OXSR1: variants seen among roughly 807,000 people sequenced by gnomAD.
The protein encoded by OXSR1 is oxidative stress responsive kinase 1.
OXSR1 carries 24 observed loss-of-function variants against 79.8 expected under a neutral mutation model. The observed-to-expected ratio is 0.30, with a 90% CI of 0.22 to 0.42. OXSR1 has a LOEUF of 0.42. Ranked by LOEUF, OXSR1 falls within the 10% of genes least tolerant of loss-of-function variation. The pLI is 1.00. For missense variants in OXSR1, 430 were observed against 618.4 expected (o/e 0.70, Z 3.23); for synonymous variants, 226 against 209.2 (o/e 1.08, Z -0.69).
In OXSR1 at chr3:38,223,882, C is replaced by T. The variant is rs762812182; in HGVS notation, c.671C>T (p.Ala224Val). ...GITAIELATG[A>V]APYHKYPPMK... ...ACAGCAATTGAATTGGCTACAGGGG[C>T]GGCTCCTTATCATAAATATCCACCA... is the stretch of plus-strand genomic sequence containing the variant. Residue 224 changes from alanine to valine, a missense_variant, in exon 7 of 18, where the codon GCG becomes GTG. By Grantham distance (64) the Ala-to-Val change is moderately conservative. Coordinates refer to ENST00000311806, the MANE Select transcript of OXSR1 (RefSeq NM_005109.3). 2.9e-5 allele frequency: 47 copies of T among 1,604,530 alleles called. No individual in the cohort carries two copies. The highest frequency in any genetic ancestry group is 1.0e-4 in the South Asian group (9 of 90,230).
chr3:38,211,301 G>A (rs1451537539), intron 4 of OXSR1, among the ~76,000 whole-genome samples: 3 of 152,080 alleles, frequency 2.0e-5, no homozygotes, highest in Non-Finnish European at 4.4e-5. Context: ...AGCTCTCTGT[G>A]GCACGGTCCC....
At chr3:38,228,736 A>C (rs1246616954) in intron 8 of OXSR1, among the ~76,000 whole-genome samples, 1 of 152,006 alleles carries the variant, frequency 6.6e-6, no homozygotes, top group African/African-American at 2.4e-5. Flanking sequence ...ATGCCCTGCT[A>C]ATTTTTGTGG....
intron 4 of OXSR1, among the ~76,000 whole-genome samples, chr3:38,206,897 C>T (rs1702273180): frequency 6.6e-6 from 1 of 152,172 alleles, no homozygotes; most frequent in Admixed American, 6.5e-5. Context: ...TATTTAATCT[C>T]TCTTTTGCCT....
intron 2 of OXSR1, among the ~76,000 whole-genome samples, chr3:38,190,362 A>G (rs558993967): frequency 6.6e-6 from 1 of 152,184 alleles, no homozygotes; most frequent in Non-Finnish European, 1.5e-5. Flanking sequence ...CTATAAAAAA[A>G]CCCTGTTTAT....
Position 38,243,003 on chromosome 3 carries a change from GTTATTTAT to G in OXSR1, c.1110+264_1110+271del, listed in dbSNP as rs34493594. On this transcript the variant is annotated intron_variant, in intron 12 of 17. Coordinates refer to ENST00000311806, the MANE Select transcript of OXSR1 (RefSeq NM_005109.3). ...TGGCTTGGGCTGCTGGAAGTGAAAAGTTATTTATTTATTTATTTATTTATTTATTTATT... is the reference window on the plus strand; with the variant it reads ...TGGCTTGGGCTGCTGGAAGTGAAAAGTTATTTATTTATTTATTTATTTATT... Among the ~76,000 whole-genome samples the G allele has an allele frequency of 5.1e-3, 742 of 146,260 alleles. 6 individuals carry two copies. Among genetic ancestry groups the G allele is most frequent in the African/African-American group, 0.013 (521 of 39,524 alleles).
At chr3:38,215,119 G>C (rs939901993) in intron 4 of OXSR1, among the ~76,000 whole-genome samples, 3 of 152,178 alleles carry the variant, frequency 2.0e-5, no homozygotes, top group African/African-American at 4.8e-5. Flanking sequence ...TTTGGCAAGG[G>C]AAAGGGGTGT....
chr3:38,211,322 A>G (rs983636100), intron 4 of OXSR1, among the ~76,000 whole-genome samples: 5 of 152,194 alleles, frequency 3.3e-5, no homozygotes, highest in Admixed American at 6.5e-5. Flanking sequence ...AGGAACCCCT[A>G]TAACCCTAAT....
Position 38,233,505 on chromosome 3 carries a change from A to G in OXSR1, c.951+3075A>G, listed in dbSNP as rs924799512. Among the ~76,000 whole-genome samples, 7 of 152,182 alleles carry G rather than the reference A, an allele frequency of 4.6e-5. No homozygotes were observed. The East Asian group carries it at 1.3e-3, about 29-fold the overall frequency. ...CTAGGATCACAGGATACCTCAGGGA[A>G]ACCTCTTAATGTGAAAAATAGAGGT... On this transcript the variant is annotated intron_variant, in intron 10 of 17. Transcript: ENST00000311806.
intron 1 of OXSR1, among the ~76,000 whole-genome samples, chr3:38,174,122 G>A (rs1701634336): frequency 6.6e-6 from 1 of 152,242 alleles, no homozygotes; most frequent in Non-Finnish European, 1.5e-5. Flanking sequence ...ATCAGAAGGT[G>A]AAGAGACAGA....
intron 1 of OXSR1, among the ~76,000 whole-genome samples, chr3:38,178,201 T>C (rs1468009621): frequency 6.6e-6 from 1 of 152,056 alleles, no homozygotes; most frequent in African/African-American, 2.4e-5. Flanking sequence ...CCTGCCCACC[T>C]CGGCCTCCCA....
intron 8 of OXSR1, among the ~76,000 whole-genome samples, 161 bp from the exon 9 acceptor site, chr3:38,229,514 TGTCCTGTATCAA>T (rs1191854229): frequency 1.3e-5 from 2 of 152,186 alleles, no homozygotes; most frequent in Non-Finnish European, 1.5e-5. Flanking sequence ...TTTTATTCAA[TGTCCTGTATCAA>T]GTTTATTTTA....
upstream of OXSR1, chr3:38,165,124 A>T (rs1701411633): frequency 6.6e-6 from 1 of 152,320 alleles, no homozygotes; most frequent in Non-Finnish European, 1.5e-5. Flanking sequence ...AAGCGCGCTA[A>T]GAGCCTGGAG....
intron 2 of OXSR1, 40 bp downstream of exon 2, chr3:38,183,155 CAT>C (rs1701818166): frequency 1.0e-6 from 1 of 961,206 alleles, no homozygotes; most frequent in Non-Finnish European, 1.6e-6. Flanking sequence ...GAGATATACT[CAT>C]ATATTCACAT....
At chr3:38,170,758 C>T (rs933551636) in intron 1 of OXSR1, among the ~76,000 whole-genome samples, 2 of 152,164 alleles carry the variant, frequency 1.3e-5, no homozygotes, top group Non-Finnish European at 2.9e-5. Flanking sequence ...AGATGGGGGT[C>T]ATTGTCTCAC....
chr3:38,198,671 T>A (rs1200087043), intron 3 of OXSR1, 51 bp from the exon 4 acceptor site: 2 of 1,440,222 alleles, frequency 1.4e-6, no homozygotes, highest in Non-Finnish European at 1.9e-6. Context: ...TGGATCTGAA[T>A]TATATTGAAT....
chr3:38,187,870 G>C (rs1472369807), intron 2 of OXSR1, among the ~76,000 whole-genome samples: 1 of 152,120 alleles, frequency 6.6e-6, no homozygotes, highest in Non-Finnish European at 1.5e-5. Flanking sequence ...ATAGGTGTGA[G>C]CCACTGTACC....
chr3:38,229,803 G>T, intron 9 of OXSR1, 68 bp downstream of exon 9: 1 of 1,168,022 alleles, frequency 8.6e-7, no homozygotes, highest in Non-Finnish European at 1.3e-6. Flanking sequence ...ATTATGTTCA[G>T]TGCTTAGAAG....
Position 38,242,770 on chromosome 3 carries a change from A to C in OXSR1, c.1102A>C (p.Asn368His). Reference protein sequence around the residue: ...RSPRVKESISNSELFPTTDPV... With the variant: ...RSPRVKESISHSELFPTTDPV... Reference sequence around the variant, plus strand: ...TCCCCGAGTGAAAGAATCAATATCAAATTCTGAGGTAAGTAATTGTGATTA... The same window carrying C: ...TCCCCGAGTGAAAGAATCAATATCACATTCTGAGGTAAGTAATTGTGATTA... The change falls in exon 12 of 18, where the codon AAT (asparagine) becomes CAT (histidine). Residue 368 changes from asparagine to histidine, a missense_variant. Coordinates refer to ENST00000311806, the MANE Select transcript of OXSR1 (RefSeq NM_005109.3). The C allele has an allele frequency of 6.4e-7, 1 of 1,550,858 alleles. No homozygotes were observed. The highest frequency in any genetic ancestry group is 1.8e-5 in the Admixed American group (1 of 56,042).
chr3:38,208,299 T>G (rs1702310134), intron 4 of OXSR1, among the ~76,000 whole-genome samples: 2 of 152,038 alleles, frequency 1.3e-5, no homozygotes, highest in South Asian at 4.1e-4. Context: ...GTTTTAAGAG[T>G]ACAGATGCTT....
Sources: allele counts gnomAD v4.1 joint callset (sites outside exome capture counted in the v4.1 genomes callset), GRCh38; gene constraint gnomAD v4.1.1; transcripts MANE v1.5; gene names NCBI Gene and HGNC (gene_info 2026-07-23, HGNC 2026-07-21).